The following LZTS3 variants were observed in gnomAD, a reference collection of about 807,000 sequenced individuals.
LZTS3 encodes the protein leucine zipper tumor suppressor family member 3.
LZTS3 carries 16 observed loss-of-function variants against 50.9 expected under a neutral mutation model. The ratio of observed to expected loss-of-function variants is 0.31; its 90% CI spans 0.21 to 0.48. The LOEUF is 0.48. Ranked by LOEUF, LZTS3 falls within the 20% of genes least tolerant of loss-of-function variation. LZTS3 has a pLI of 0.99. For missense variants in LZTS3, 816 were observed against 931.0 expected (o/e 0.88, Z 1.61); for synonymous variants, 408 against 410.6 (o/e 0.99, Z 0.08).
Position 3,165,802 on chromosome 20 carries a change from G to A in LZTS3, c.1018C>T (p.Arg340Cys), listed in dbSNP as rs1343360226. Residue 340 changes from arginine (R) to cysteine (C), a missense_variant, in exon 4 of 5, where the codon CGC (arginine) becomes TGC (cysteine). Arg to Cys is a radical substitution (Grantham distance 180, BLOSUM62 -3). This residue lies in a region of LZTS3 where 700 missense variants were observed against 769.4 expected (regional missense o/e 0.91). Coordinates refer to ENST00000337576, the MANE Select transcript of LZTS3 (RefSeq NM_001365618.1). This position sits in a 1 kb window ranked among gnomAD's most constrained non-coding sequence, Gnocchi z 5.0. ...EKEQEVAALR[R>C]SLEQSEAAVA... ...GCCGCCTCGCTCTGCTCCAGGCTGC[G>A]CCGCAGAGCTGCCACCTCCTGCTCC... 7.5e-6 allele frequency: 12 copies of A among 1,596,538 alleles called. No homozygotes were observed. The highest frequency in any genetic ancestry group is 6.6e-5 in the South Asian group (6 of 90,376).
Position 3,166,012 on chromosome 20 carries a change from A to G in LZTS3, c.808T>C (p.Tyr270His). The G allele has an allele frequency of 6.2e-7, 1 of 1,613,094 alleles. No individual in the cohort carries two copies. Among genetic ancestry groups the G allele is most frequent in the Non-Finnish European group, 8.5e-7 (1 of 1,179,760 alleles). The change falls in exon 4 of 5, where the codon TAC becomes CAC. Residue 270 changes from tyrosine (Y) to histidine (H), a missense_variant. Transcript: ENST00000337576. ...SGGSSGGGSG[Y>H]QDLGTSDSGR... The stretch of plus-strand genomic sequence containing the variant: ...CTATCGGAGGTCCCCAGGTCCTGGT[A>G]GCCCGACCCCCCACCGCTGCTGCCG...
chr20:3,167,012 G>A lies in LZTS3; in HGVS notation c.152C>T (p.Ala51Val). 1.0e-5 allele frequency: 16 copies of A among 1,590,066 alleles called. No homozygotes were observed. Among genetic ancestry groups the A allele is most frequent in the Non-Finnish European group, 1.3e-5 (15 of 1,174,002 alleles). Residue 51 changes from alanine to valine, a missense_variant, in exon 3 of 5, where the codon GCC (alanine) becomes GTC (valine). Physicochemically the swap from Ala to Val is moderately conservative, Grantham distance 64 (BLOSUM62 0). This residue lies in a region of LZTS3 where 700 missense variants were observed against 769.4 expected (regional missense o/e 0.91). Coordinates refer to ENST00000337576, the MANE Select transcript of LZTS3 (RefSeq NM_001365618.1). ...GSGVAHAQEFAMKSVGTRTGG... is the reference protein window; with the variant it reads ...GSGVAHAQEFVMKSVGTRTGG... ...TGTGCGGGTACCCACGCTCTTCATG[G>A]CAAACTCCTGGGCATGGGCCACCCC...
chr20:3,170,916 G>A (rs2066895819), intron 1 of LZTS3, among the ~76,000 whole-genome samples: 1 of 152,202 alleles, frequency 6.6e-6, no homozygotes, highest in South Asian at 2.1e-4. Context: ...ATTTAAGGAG[G>A]TTTGAGATTC....
At position 3,167,875 on chromosome 20, in the gene LZTS3, C is replaced by T; in HGVS notation, c.-156G>A. On this transcript the variant is annotated 5_prime_UTR_variant, in exon 2 of 5. Transcript: ENST00000337576. ...GGCCCGGTCTGCAGGGGCCATGTGC[C>T]TCACTCTCGCAGTCGGGGCTCGGCC... is the stretch of plus-strand genomic sequence containing the variant. 1.5e-5 allele frequency: 15 copies of T among 985,368 alleles called. No individual in the cohort carries two copies. Among genetic ancestry groups the T allele is most frequent in the Non-Finnish European group, 1.8e-5 (15 of 829,870 alleles). The allele number at this position is 985,368 out of a possible 1,614,324, so 61.0% of individuals were successfully genotyped here. A position where few individuals can be genotyped will look rare whatever the true frequency, so the allele number is the denominator to read the frequency against.
chr20:3,167,549 C>T (rs2066848382), intron 2 of LZTS3, 189 bp downstream of exon 2: 2 of 1,028,480 alleles, frequency 1.9e-6, no homozygotes, highest in Non-Finnish European at 2.3e-6. Context: ...GCTGCAACCC[C>T]AGAATTTTGG....
rs1568489722 is a variant in LZTS3, at chr20:3,165,786, C to T, written c.1034G>A (p.Ser345Asn). The change falls in exon 4 of 5, where the codon AGC (serine) becomes AAC (asparagine). Residue 345 changes from serine (S) to asparagine (N), a missense_variant. Ser to Asn is a conservative substitution (Grantham distance 46). Coordinates refer to ENST00000337576, the MANE Select transcript of LZTS3 (RefSeq NM_001365618.1). The surrounding 1 kb of genome is among the most constrained non-coding windows in gnomAD (Gnocchi z 5.0). ...VAALRRSLEQ[S>N]EAAVAQVLEE... ...CAGTACCTGGGCCACAGCCGCCTCG[C>T]TCTGCTCCAGGCTGCGCCGCAGAGC... 6.3e-7 allele frequency: 1 copy of T among 1,590,284 alleles called. No homozygotes were observed. Among genetic ancestry groups the T allele is most frequent in the Non-Finnish European group, 8.5e-7 (1 of 1,174,526 alleles).
rs530000475 is a variant in LZTS3, at chr20:3,164,184, A to C, written c.*270T>G. 70 of 402,496 alleles carry C rather than the reference A, an allele frequency of 1.7e-4. No homozygotes were observed. The highest frequency in any genetic ancestry group is 3.0e-4 in the Non-Finnish European group (68 of 230,238). 24.9% of individuals were successfully genotyped at this position (402,496 alleles called of 1,614,324 possible). On this transcript the variant is annotated 3_prime_UTR_variant, in exon 5 of 5. Coordinates refer to ENST00000337576, the MANE Select transcript of LZTS3 (RefSeq NM_001365618.1). Reference sequence around the variant, plus strand: ...CCAACAAGGGGGTGCCGAGAAAGGGAGCATGACTCCCCCACCACCTAGGAT... The same window carrying C: ...CCAACAAGGGGGTGCCGAGAAAGGGCGCATGACTCCCCCACCACCTAGGAT...
Position 3,167,869 on chromosome 20 carries a change from A to AT in LZTS3, c.-151dup. ...CTCCGAGGCCCGGTCTGCAGGGGCC[A>AT]TGTGCCTCACTCTCGCAGTCGGGGC... On this transcript the variant is annotated 5_prime_UTR_variant, in exon 2 of 5. The change creates a new upstream start codon in the 5' untranslated region. Coordinates refer to ENST00000337576, the MANE Select transcript of LZTS3 (RefSeq NM_001365618.1). The AT allele has an allele frequency of 1.0e-6, 1 of 985,384 alleles. No individual in the cohort carries two copies. The highest frequency in any genetic ancestry group is 1.2e-6 in the Non-Finnish European group (1 of 829,914). The allele number at this position is 985,384 out of a possible 1,614,324, so 61.0% of individuals were successfully genotyped here.
Position 3,166,909 on chromosome 20 carries a change from G to A in LZTS3, c.255C>T (p.Arg85=), listed in dbSNP as rs1441366463. The change falls in exon 3 of 5, where the codon CGC becomes CGT. Residue 85 remains arginine, a synonymous_variant. Transcript: ENST00000337576. ...CGAGACCCTTGTCCTCTGAGGGGTA[G>A]CGGCCCGGCCTCTCCCTGCTGGCCC... ...GSGASRERPG[R]YPSEDKGLAN... is the part of the protein sequence containing the mutation. 1 of 1,612,430 alleles carries A rather than the reference G, an allele frequency of 6.2e-7. No homozygotes were observed. Among genetic ancestry groups the A allele is most frequent in the Admixed American group, 1.7e-5 (1 of 59,988 alleles).
Position 3,164,485 on chromosome 20 carries a change from C to G in LZTS3, c.1991G>C (p.Arg664Pro), listed in dbSNP as rs554087618. 1 of 1,564,504 alleles carries G rather than the reference C, an allele frequency of 6.4e-7. No homozygotes were observed. Among genetic ancestry groups the G allele is most frequent in the African/African-American group, 1.4e-5 (1 of 72,366 alleles). ...GEEKKAWTPS[R>P]LERIESTEI ...TTCTGTGGACTCAATGCGCTCGAGG[C>G]GGGAGGGGGTCCAGGCCTTCTTCTC... is the stretch of plus-strand genomic sequence containing the variant. The change falls in exon 5 of 5, where the codon CGC becomes CCC. Residue 664 changes from arginine to proline, a missense_variant. By Grantham distance (103) the Arg-to-Pro change is moderately radical. Coordinates refer to ENST00000337576, the MANE Select transcript of LZTS3 (RefSeq NM_001365618.1).
rs1314541340 is a variant in LZTS3 at position 3,165,391 on chromosome 20, ATCC to A, written c.1323+103_1323+105del. The A allele has an allele frequency of 1.7e-5, 16 of 936,916 alleles. No homozygotes were observed. Among genetic ancestry groups the A allele is most frequent in the African/African-American group, 1.1e-4 (5 of 47,114 alleles). The allele number at this position is 936,916 out of a possible 1,614,324, so 58.0% of individuals were successfully genotyped here. On this transcript the variant is annotated intron_variant, in intron 4 of 4. Coordinates refer to ENST00000337576, the MANE Select transcript of LZTS3 (RefSeq NM_001365618.1). This position sits in a 1 kb window ranked among gnomAD's most constrained non-coding sequence, Gnocchi z 5.0. ...GATTTTTGTCCCCCCTGCTCCTTTC[ATCC>A]CCCCCCCCATCCCACCGTTATGATA... is the stretch of plus-strand genomic sequence containing the variant.
At chr20:3,170,490 A>AAAACAAAAC (rs1318426252) in intron 1 of LZTS3, among the ~76,000 whole-genome samples, 11 of 144,758 alleles carry the variant, frequency 7.6e-5, no homozygotes, top group East Asian at 2.2e-4. Flanking sequence ...CTACATCAAA[A>AAAACAAAAC]AAAAAAAAAA....
rs759253102 is a variant in LZTS3, at chr20:3,164,514, G to T, written c.1962C>A (p.Gly654=). 82 of 1,588,158 alleles carry T rather than the reference G, an allele frequency of 5.2e-5. 2 individuals carry two copies. In the South Asian group the frequency reaches 9.1e-4, roughly 18 times the overall value. The change falls in exon 5 of 5, where the codon GGC becomes GGA. Residue 654 remains glycine (G), a synonymous_variant. Coordinates refer to ENST00000337576, the MANE Select transcript of LZTS3 (RefSeq NM_001365618.1). ...GGASTPTPQH[G]EEKKAWTPSR... ...AGGGGGTCCAGGCCTTCTTCTCCTCGCCATGCTGGGGAGTGGGCGTGCTTG... is the reference window on the plus strand; with the variant it reads ...AGGGGGTCCAGGCCTTCTTCTCCTCTCCATGCTGGGGAGTGGGCGTGCTTG...
intron 1 of LZTS3, chr20:3,168,486 T>C (rs1032021247): frequency 1.3e-5 from 2 of 152,324 alleles, no homozygotes; most frequent in African/African-American, 4.8e-5. Context: ...ACCTTGACCC[T>C]GCTCAGCTTA....
chr20:3,170,040 C>T (rs2066882915), intron 1 of LZTS3, among the ~76,000 whole-genome samples: 1 of 152,018 alleles, frequency 6.6e-6, no homozygotes, highest in Non-Finnish European at 1.5e-5. Flanking sequence ...AGAAGGTGGG[C>T]CCTGAAGGCC....
At chr20:3,167,525 C>G (rs1043425546) in intron 2 of LZTS3, 1 of 1,058,474 alleles carries the variant, frequency 9.4e-7, no homozygotes, top group African/African-American at 1.7e-5. Flanking sequence ...GCTCAGTGAC[C>G]CTCTCAACTC....
In LZTS3 at chr20:3,164,747, C is replaced by G. The variant is rs898460662; in HGVS notation, c.1729G>C (p.Val577Leu). 1.3e-6 allele frequency: 2 copies of G among 1,524,162 alleles called. No individual in the cohort carries two copies. Among genetic ancestry groups the G allele is most frequent in the African/African-American group, 2.8e-5 (2 of 70,462 alleles). The allele number at this position is 1,524,162 out of a possible 1,614,324, so 94.4% of individuals were successfully genotyped here. The change falls in exon 5 of 5, where the codon GTG (valine) becomes CTG (leucine). Residue 577 changes from valine to leucine, a missense_variant. Val to Leu is a conservative substitution (Grantham distance 32). Transcript: ENST00000337576. ...ESGTRALRREVGRLQAELAAE... is the reference protein window; with the variant it reads ...ESGTRALRRELGRLQAELAAE... ...GCCAGCTCGGCCTGCAGCCGCCCCA[C>G]CTCCCGCCGCAGGGCCCGCGTCCCG...
chr20:3,166,199 A>G lies in LZTS3; in HGVS notation c.621T>C (p.Thr207=), dbSNP rs1477587306. 1 of 1,613,618 alleles carries G rather than the reference A, an allele frequency of 6.2e-7. No individual in the cohort carries two copies. The highest frequency in any genetic ancestry group is 1.3e-5 in the African/African-American group (1 of 74,884). Residue 207 remains threonine, a synonymous_variant, in exon 4 of 5, where the codon ACT becomes ACC. Transcript: ENST00000337576. ...KGGLDKSRTM[T]PAGGSGSGLS... The stretch of plus-strand genomic sequence containing the variant: ...GGCCACTCCCACTCCCACCCGCTGG[A>G]GTCATGGTCCGAGACTTGTCCAGTC...
chr20:3,173,062 G>C (rs1427953771), intron 1 of LZTS3, among the ~76,000 whole-genome samples: 1 of 151,988 alleles, frequency 6.6e-6, no homozygotes, highest in African/African-American at 2.4e-5. Context: ...GTGGGAGGGG[G>C]GGTCGCCATT....
Sources: allele counts gnomAD v4.1 joint callset (sites outside exome capture counted in the v4.1 genomes callset), GRCh38; gene constraint gnomAD v4.1.1; regional missense constraint gnomAD v4.1.1; non-coding constraint Gnocchi (gnomAD v3.1); transcripts MANE v1.5; gene names NCBI Gene and HGNC (gene_info 2026-07-23, HGNC 2026-07-21).